The following PRKN variants were observed in gnomAD, a reference collection of about 807,000 sequenced individuals.
PRKN encodes the protein parkin RBR E3 ubiquitin protein ligase.
Under a neutral mutation model 59.5 loss-of-function variants are expected in PRKN, and 56 were observed. That is an observed-to-expected ratio of 0.94 (90% CI 0.76 to 1.18). The LOEUF (loss-of-function observed/expected upper bound fraction) is 1.18. PRKN is among the 50% of genes most tolerant of loss of function. PRKN has a pLI of 0.00. For missense variants in PRKN, 657 were observed against 596.4 expected (o/e 1.10, Z -1.06); for synonymous variants, 250 against 222.1 (o/e 1.13, Z -1.12).
chr6:162,554,540 A>G (rs1197227084), intron 1 of PRKN, among the ~76,000 whole-genome samples: 1 of 151,370 alleles, frequency 6.6e-6, no homozygotes, highest in African/African-American at 2.4e-5. Context: ...AACGGACAGA[A>G]TTTGGAGAAC....
intron 4 of PRKN, among the ~76,000 whole-genome samples, chr6:162,198,938 T>TC (rs1429511655): frequency 6.6e-6 from 1 of 152,154 alleles, no homozygotes; most frequent in Admixed American, 6.5e-5. Context: ...TCTATTTTTT[T>TC]CCCACACAAA....
intron 7 of PRKN, among the ~76,000 whole-genome samples, chr6:161,737,712 G>T (rs1788022718): frequency 6.6e-6 from 1 of 152,122 alleles, no homozygotes; most frequent in African/African-American, 2.4e-5. Context: ...AAACTGCCTA[G>T]AACAAAGCCA....
At chr6:161,589,587 A>T (rs778858245) in intron 7 of PRKN, among the ~76,000 whole-genome samples, 3 of 152,088 alleles carry the variant, frequency 2.0e-5, no homozygotes, top group Non-Finnish European at 2.9e-5. Flanking sequence ...AGGAAAATAC[A>T]TGTAAGGCAC....
chr6:161,564,940 G>C (rs929562315), intron 8 of PRKN, among the ~76,000 whole-genome samples: 1 of 152,172 alleles, frequency 6.6e-6, no homozygotes, highest in African/African-American at 2.4e-5. Flanking sequence ...CCACAAGCTC[G>C]ATGTGAAGTC....
At chr6:162,679,202 T>A (rs1376859774) in intron 1 of PRKN, among the ~76,000 whole-genome samples, 1 of 150,716 alleles carries the variant, frequency 6.6e-6, no homozygotes, top group African/African-American at 2.4e-5. Flanking sequence ...CGGGTTCAAG[T>A]GATTCTCCTG....
At position 161,562,899 on chromosome 6, in the gene PRKN, G is replaced by A. The variant is rs1258996423; in HGVS notation, c.933+6456C>T. Among the ~76,000 whole-genome samples the A allele has an allele frequency of 6.6e-6, 1 of 152,134 alleles. No individual in the cohort carries two copies. Among genetic ancestry groups the A allele is most frequent in the Non-Finnish European group, 1.5e-5 (1 of 68,038 alleles). ...CTAACCCCTTGCTTAAACCTTCAAG[G>A]ATTTCCCACTAAACTCAGAACAAAA... On this transcript the variant is annotated intron_variant, in intron 8 of 11. Transcript: ENST00000366898. The surrounding 1 kb of genome is among the most constrained non-coding windows in gnomAD (Gnocchi z 4.3).
At chr6:162,499,593 A>G (rs1206348484) in intron 1 of PRKN, among the ~76,000 whole-genome samples, 3 of 152,212 alleles carry the variant, frequency 2.0e-5, no homozygotes, top group Non-Finnish European at 4.4e-5. Flanking sequence ...GGAATTCAGG[A>G]GACCCGGACA....
In PRKN at chr6:161,405,652, T is replaced by A. The variant is rs4533970; in HGVS notation, c.1084-18775A>T. 9.7e-5 allele frequency among the ~76,000 whole-genome samples: 14 copies of A among 143,732 alleles called. No individual in the cohort carries two copies. The highest frequency in any genetic ancestry group is 3.6e-4 in the African/African-American group (14 of 39,042). The allele number at this position is 143,732 out of a possible 152,430, so 94.3% of individuals were successfully genotyped here. A position where few individuals can be genotyped will look rare whatever the true frequency, so the allele number is the denominator to read the frequency against. Reference sequence around the variant, plus strand: ...TAAATAAATAAATAAATAAATAAATTTGGGTCCACCATAATCAGCATTTTG... The same window carrying A: ...TAAATAAATAAATAAATAAATAAATATGGGTCCACCATAATCAGCATTTTG... On this transcript the variant is annotated intron_variant, in intron 9 of 11. Transcript: ENST00000366898. The surrounding 1 kb of genome is among the most constrained non-coding windows in gnomAD (Gnocchi z 5.1).
chr6:161,943,118 T>A (rs1325791034), intron 6 of PRKN, among the ~76,000 whole-genome samples: 1 of 152,260 alleles, frequency 6.6e-6, no homozygotes, highest in Non-Finnish European at 1.5e-5. Context: ...AGTTTTAAGA[T>A]ATTTTAGGCT....
At position 161,633,392 on chromosome 6, in the gene PRKN, C is replaced by T. The variant is rs117460868; in HGVS notation, c.872-63976G>A. On this transcript the variant is annotated intron_variant, in intron 7 of 11. Coordinates refer to ENST00000366898, the MANE Select transcript of PRKN (RefSeq NM_004562.3). ...AGTCTACTTCACTTCATACTATATT[C>T]CCCTTAGCAACATTGAATCCTTAAG... Among the ~76,000 whole-genome samples, 1,404 of 152,320 alleles carry T rather than the reference C, an allele frequency of 9.2e-3. 11 individuals are homozygous for T. Among genetic ancestry groups the T allele is most frequent in the Middle Eastern group, 0.024 (7 of 294 alleles).
chr6:162,333,534 T>A (rs1236072097), intron 2 of PRKN, among the ~76,000 whole-genome samples: 1 of 152,182 alleles, frequency 6.6e-6, no homozygotes, highest in Admixed American at 6.5e-5. Flanking sequence ...AAATATCGTC[T>A]AGTTTTGGGG....
In PRKN at chr6:162,237,701, C is replaced by A. The variant is rs560554344; in HGVS notation, c.412+24824G>T. The stretch of plus-strand genomic sequence containing the variant: ...TAAGCAAGCAGTCACCAAAAGGATT[C>A]AAAAAGGCAGTGGGTTTAGGGTGCT... On this transcript the variant is annotated intron_variant, in intron 3 of 11. Coordinates refer to ENST00000366898, the MANE Select transcript of PRKN (RefSeq NM_004562.3). Among the ~76,000 whole-genome samples, 169 of 151,932 alleles carry A rather than the reference C, an allele frequency of 1.1e-3. 1 individual carries two copies. Among genetic ancestry groups the A allele is most frequent in the Non-Finnish European group, 1.9e-3 (129 of 67,976 alleles).
chr6:161,360,329 A>G lies in PRKN; in HGVS notation c.1168-124T>C. ...AGGAGTGCCTTCGGGCAAGAAGCCTAAATATCAATGCACTTGACAAATGCT... is the reference window on the plus strand; with the variant it reads ...AGGAGTGCCTTCGGGCAAGAAGCCTGAATATCAATGCACTTGACAAATGCT... On this transcript the variant is annotated intron_variant, in intron 10 of 11. Coordinates refer to ENST00000366898, the MANE Select transcript of PRKN (RefSeq NM_004562.3). The surrounding 1 kb of genome is among the most constrained non-coding windows in gnomAD (Gnocchi z 5.1). 1 of 788,194 alleles carries G rather than the reference A, an allele frequency of 1.3e-6. No homozygotes were observed. The highest frequency in any genetic ancestry group is 2.3e-6 in the Non-Finnish European group (1 of 440,594). The allele number at this position is 788,194 out of a possible 1,614,324, so 48.8% of individuals were successfully genotyped here. A position where few individuals can be genotyped will look rare whatever the true frequency, so the allele number is the denominator to read the frequency against.
chr6:162,531,788 T>G lies in PRKN; in HGVS notation c.8-88315A>C, dbSNP rs538906304. Among the ~76,000 whole-genome samples the G allele has an allele frequency of 1.1e-4, 16 of 152,216 alleles. No individual in the cohort carries two copies. In the South Asian group the frequency reaches 3.1e-3, roughly 30 times the overall value. ...CTAGTCCCCAGGCAAGAAGGAGGTC[T>G]GCTTTGGGAAAGGGATGTTACAATC... On this transcript the variant is annotated intron_variant, in intron 1 of 11. Coordinates refer to ENST00000366898, the MANE Select transcript of PRKN (RefSeq NM_004562.3).
rs1326695279 is a variant in PRKN, at chr6:161,579,239, A to T, written c.872-9823T>A. ...TACCTGAGTGAAAATGTCAATGTCTAGTTAACGTTGGGGGAAAGAGAATCT... is the reference window on the plus strand; with the variant it reads ...TACCTGAGTGAAAATGTCAATGTCTTGTTAACGTTGGGGGAAAGAGAATCT... On this transcript the variant is annotated intron_variant, in intron 7 of 11. Transcript: ENST00000366898. The surrounding 1 kb of genome is among the most constrained non-coding windows in gnomAD (Gnocchi z 4.2). Among the ~76,000 whole-genome samples the T allele has an allele frequency of 6.6e-6, 1 of 152,212 alleles. No homozygotes were observed. Among genetic ancestry groups the T allele is most frequent in the African/African-American group, 2.4e-5 (1 of 41,448 alleles).
At chr6:161,557,207 T>C (rs1780269669) in intron 8 of PRKN, among the ~76,000 whole-genome samples, 1 of 152,206 alleles carries the variant, frequency 6.6e-6, no homozygotes, top group Non-Finnish European at 1.5e-5. Flanking sequence ...ATTTTATTTC[T>C]TTGGGGAGTA....
rs116152543 is a variant in PRKN at position 161,877,877 on chromosome 6, C to G, written c.735-91969G>C. On this transcript the variant is annotated intron_variant, in intron 6 of 11. Transcript: ENST00000366898. ...TGGGGTGGACAGGCCTTGTAAGGTC[C>G]CCTAAATTCCCCCGTGTAGACAGTG... Among the ~76,000 whole-genome samples, 349 of 152,124 alleles carry G rather than the reference C, an allele frequency of 2.3e-3. 2 individuals are homozygous for G. Among genetic ancestry groups the G allele is most frequent in the African/African-American group, 7.8e-3 (326 of 41,534 alleles).
intron 7 of PRKN, among the ~76,000 whole-genome samples, chr6:161,723,496 A>G (rs1333458086): frequency 1.3e-5 from 2 of 152,034 alleles, no homozygotes; most frequent in Non-Finnish European, 2.9e-5. Context: ...CCCATCTTGC[A>G]TATTTTGGCT....
At chr6:162,164,596 A>G (rs369793972) in intron 4 of PRKN, among the ~76,000 whole-genome samples, 1 of 149,056 alleles carries the variant, frequency 6.7e-6, no homozygotes, top group Non-Finnish European at 1.5e-5. Flanking sequence ...ATTTTCCTAT[A>G]TAACAAAAGA....
Sources: gnomAD v4.1 joint callset for allele counts (sites outside exome capture counted in the v4.1 genomes callset) on GRCh38, gnomAD v4.1.1 for gene constraint, Gnocchi (gnomAD v3.1) non-coding constraint, MANE v1.5 for transcripts, NCBI Gene and HGNC (gene_info 2026-07-23, HGNC 2026-07-21) for gene names.